G2E3: variants seen among roughly 807,000 people sequenced by gnomAD.
The protein encoded by G2E3 is G2/M phase-specific E3 ubiquitin-protein ligase.
Under a neutral mutation model 92.8 loss-of-function variants are expected in G2E3, and 35 were observed. The ratio of observed to expected loss-of-function variants is 0.38; its 90% CI spans 0.29 to 0.50. The LOEUF is 0.50. G2E3 is among the 20% of genes least tolerant of loss of function. The pLI, the probability that G2E3 is intolerant of heterozygous loss-of-function variation, is 0.94. For missense variants in G2E3, 554 were observed against 823.8 expected (o/e 0.67, Z 4.01); for synonymous variants, 242 against 272.4 (o/e 0.89, Z 1.10).
intron 1 of G2E3, 34 bp from the exon 2 acceptor site, chr14:30,581,042 A>G: frequency 8.5e-7 from 1 of 1,172,986 alleles, no homozygotes; most frequent in East Asian, 2.3e-5. Flanking sequence ...GACTTTTACA[A>G]TTAAGATGAC....
At chr14:30,560,083 C>G (rs1879004109) in intron 1 of G2E3, 1 of 104,396 alleles carries the variant, frequency 9.6e-6, no homozygotes, top group Non-Finnish European at 1.7e-5. Context: ...CTTTGAGCAT[C>G]TGTTTCTTTG....
intron 8 of G2E3, among the ~76,000 whole-genome samples, chr14:30,599,228 T>G (rs1156528397): frequency 2.0e-5 from 3 of 152,044 alleles, no homozygotes; most frequent in African/African-American, 4.8e-5. Flanking sequence ...TTACCTCTTT[T>G]TTTTGTTTGT....
In G2E3 at chr14:30,584,772, C is replaced by T. The variant is rs1376689062; in HGVS notation, c.38-1946C>T. 9.3e-5 allele frequency among the ~76,000 whole-genome samples: 14 copies of T among 150,358 alleles called. 1 individual carries two copies. Among genetic ancestry groups the T allele is most frequent in the Middle Eastern group, 6.9e-3 (2 of 288 alleles). On this transcript the variant is annotated intron_variant, in intron 2 of 14. Transcript: ENST00000206595. The stretch of plus-strand genomic sequence containing the variant: ...GTTATCAGAGTTTTTTTAATGCATC[C>T]TGGCTACTAGACCTTTAGATGTGTA...
At chr14:30,585,537 A>G (rs1880664050) in intron 2 of G2E3, among the ~76,000 whole-genome samples, 1 of 148,786 alleles carries the variant, frequency 6.7e-6, no homozygotes, top group African/African-American at 2.5e-5. Flanking sequence ...TCACTACCAC[A>G]CTGTTTTGCT....
chr14:30,559,641 G>C (rs1279889256), intron 1 of G2E3: 1 of 152,092 alleles, frequency 6.6e-6, no homozygotes, highest in Non-Finnish European at 1.5e-5. Context: ...AAATCTCACT[G>C]TGAAGGCGTT....
At chr14:30,583,981 C>T (rs1222250622) in intron 2 of G2E3, among the ~76,000 whole-genome samples, 2 of 152,156 alleles carry the variant, frequency 1.3e-5, no homozygotes, top group Non-Finnish European at 2.9e-5. Context: ...TTTAATCGCC[C>T]TCAAAGGAAA....
chr14:30,576,157 G>A (rs754124984), intron 1 of G2E3, among the ~76,000 whole-genome samples: 4 of 152,094 alleles, frequency 2.6e-5, no homozygotes, highest in Non-Finnish European at 4.4e-5. Flanking sequence ...CATAGTACTG[G>A]TACAAAAACA....
chr14:30,589,895 G>A (rs945820977), intron 4 of G2E3, among the ~76,000 whole-genome samples: 2 of 151,992 alleles, frequency 1.3e-5, no homozygotes, highest in Non-Finnish European at 2.9e-5. Context: ...TTGGAATGTT[G>A]GGTTGAGTTA....
At position 30,592,394 on chromosome 14, in the gene G2E3, T is replaced by C. The variant is rs1388283163; in HGVS notation, c.309T>C (p.His103=). ...CACCCCGATGTAAACGAAGTTATCA[T>C]TTCCCATGTGGACTTCAGAGAGAAT... The part of the protein sequence containing the change: ...CVAPRCKRSY[H]FPCGLQRECI... The change falls in exon 5 of 15, where the codon CAT becomes CAC. Residue 103 remains histidine (H), a synonymous_variant. Coordinates refer to ENST00000206595, the MANE Select transcript of G2E3 (RefSeq NM_017769.5). 1.2e-6 allele frequency: 2 copies of C among 1,607,164 alleles called. No homozygotes were observed. Among genetic ancestry groups the C allele is most frequent in the African/African-American group, 1.3e-5 (1 of 74,492 alleles).
At chr14:30,570,525 AT>A (rs1015950445) in intron 1 of G2E3, among the ~76,000 whole-genome samples, 4 of 151,054 alleles carry the variant, frequency 2.6e-5, no homozygotes, top group Admixed American at 6.6e-5. Flanking sequence ...TTTATTTTTC[AT>A]TTTTTTTCTT....
At chr14:30,579,611 G>A (rs1357294998) in intron 1 of G2E3, among the ~76,000 whole-genome samples, 1 of 152,150 alleles carries the variant, frequency 6.6e-6, no homozygotes, top group African/African-American at 2.4e-5. Flanking sequence ...ATAGCAGTTT[G>A]TATTTGTGGT....
intron 10 of G2E3, among the ~76,000 whole-genome samples, chr14:30,603,151 C>A (rs1182866624): frequency 6.6e-6 from 1 of 151,998 alleles, no homozygotes; most frequent in Non-Finnish European, 1.5e-5. Context: ...TATGGTGAAA[C>A]CCCGTCTCTA....
Position 30,619,744 on chromosome 14 carries a change from A to G in G2E3, c.*3210A>G, listed in dbSNP as rs1882476744. ...TAGGTGATCGTTTATATGTCAGCCT[A>G]TTTCCCCCCCTTTTAAAGACTGCCA... On this transcript the variant is annotated 3_prime_UTR_variant, in exon 15 of 15. Transcript: ENST00000206595. 1 of 141,360 alleles carries G rather than the reference A, an allele frequency of 7.1e-6. No homozygotes were observed. The highest frequency in any genetic ancestry group is 2.3e-4 in the South Asian group (1 of 4,366). 8.8% of individuals were successfully genotyped at this position (141,360 alleles called of 1,614,324 possible). A position where few individuals can be genotyped will look rare whatever the true frequency, so the allele number is the denominator to read the frequency against.
chr14:30,585,055 C>T (rs745372967), intron 2 of G2E3, among the ~76,000 whole-genome samples: 26 of 152,072 alleles, frequency 1.7e-4, no homozygotes, highest in African/African-American at 4.8e-4. Context: ...AGGCTGGTCT[C>T]GAACTCCTGA....
intron 7 of G2E3, chr14:30,598,081 A>G (rs1881377188): frequency 5.8e-6 from 1 of 172,400 alleles, no homozygotes; most frequent in Non-Finnish European, 1.3e-5. Context: ...TCCTAAGTAT[A>G]TAAAAGTTTT....
rs533715996 is a variant in G2E3, at chr14:30,587,033, G to A, written c.135+218G>A. ...ACCTATCATTATTTCGTGTTTGTTT[G>A]TTTGTTTGTTTTTCTTTCTTTCTGT... is the stretch of plus-strand genomic sequence containing the variant. On this transcript the variant is annotated intron_variant, in intron 3 of 14. Coordinates refer to ENST00000206595, the MANE Select transcript of G2E3 (RefSeq NM_017769.5). 5.3e-5 allele frequency among the ~76,000 whole-genome samples: 8 copies of A among 152,110 alleles called. No homozygotes were observed. In the East Asian group the frequency reaches 1.5e-3, roughly 29 times the overall value.
intron 14 of G2E3, among the ~76,000 whole-genome samples, 178 bp from the exon 15 acceptor site, chr14:30,616,100 T>C (rs1882300585): frequency 6.6e-6 from 1 of 152,186 alleles, no homozygotes; most frequent in Admixed American, 6.5e-5. Context: ...GAGATTCATT[T>C]ATGTACTGTT....
intron 6 of G2E3, among the ~76,000 whole-genome samples, chr14:30,596,294 C>T (rs553778166): frequency 6.6e-6 from 1 of 152,188 alleles, no homozygotes; most frequent in South Asian, 2.1e-4. Flanking sequence ...TAATCCTACT[C>T]TCACTGCTTT....
rs1880737431 is a variant in G2E3 at position 30,586,820 on chromosome 14, GTATAATT to G, written c.135+13_135+19del. 1 of 960,628 alleles carries G rather than the reference GTATAATT, an allele frequency of 1.0e-6. No homozygotes were observed. Among genetic ancestry groups the G allele is most frequent in the East Asian group, 2.7e-5 (1 of 36,468 alleles). 59.5% of individuals were successfully genotyped at this position (960,628 alleles called of 1,614,324 possible). A position where few individuals can be genotyped will look rare whatever the true frequency, so the allele number is the denominator to read the frequency against. ...ACTGTACATTACTACTGTTTGGTGA[GTATAATT>G]TATAATTAAATTCTAGAAATTTGGT... On this transcript the variant is annotated splice_donor_region_variant and intron_variant, in intron 3 of 14. Coordinates refer to ENST00000206595, the MANE Select transcript of G2E3 (RefSeq NM_017769.5).
Sources: gnomAD v4.1 joint callset for allele counts (sites outside exome capture counted in the v4.1 genomes callset) on GRCh38, gnomAD v4.1.1 for gene constraint, MANE v1.5 for transcripts, NCBI Gene and HGNC (gene_info 2026-07-23, HGNC 2026-07-21) for gene names.